SLC25A21: variants seen among roughly 807,000 people sequenced by gnomAD.
The protein encoded by SLC25A21 is solute carrier family 25 member 21.
Under a neutral mutation model 43.8 loss-of-function variants are expected in SLC25A21, and 47 were observed. The ratio of observed to expected loss-of-function variants is 1.07; its 90% CI spans 0.85 to 1.37. The LOEUF (loss-of-function observed/expected upper bound fraction) is 1.37, where lower values mean the gene tolerates loss of function less well. Ranked by LOEUF, SLC25A21 falls within the 40% of genes most tolerant of loss-of-function variation. SLC25A21 has a pLI of 0.00. For synonymous variants in SLC25A21, 131 were observed against 121.3 expected (o/e 1.08, Z -0.52); for missense variants, 352 against 350.2 (o/e 1.00, Z -0.04).
intron 1 of SLC25A21, among the ~76,000 whole-genome samples, chr14:36,904,218 CG>C (rs1251136696): frequency 6.6e-6 from 1 of 152,054 alleles, no homozygotes; most frequent in East Asian, 1.9e-4. Context: ...ATTGACCACG[CG>C]TAAGTCAATA....
At chr14:36,864,572 T>G (rs1196101728) in intron 2 of SLC25A21, among the ~76,000 whole-genome samples, 1 of 152,212 alleles carries the variant, frequency 6.6e-6, no homozygotes, top group Non-Finnish European at 1.5e-5. Context: ...GAAACCCTAT[T>G]ATGGTCATGC....
At chr14:36,733,100 G>A (rs10131540) in intron 4 of SLC25A21, among the ~76,000 whole-genome samples, 25,141 of 151,966 alleles carry the variant, frequency 0.17, 2,402 homozygotes, top group Admixed American at 0.32. Context: ...AGTTTAAATT[G>A]TCTCCAACAC....
intron 1 of SLC25A21, among the ~76,000 whole-genome samples, chr14:37,060,533 G>T (rs1961925799): frequency 6.6e-6 from 1 of 151,600 alleles, no homozygotes; most frequent in Non-Finnish European, 1.5e-5. Context: ...TTTTTCATGG[G>T]AAGTAAAAAA....
chr14:37,115,027 A>C (rs2138882459), intron 1 of SLC25A21, among the ~76,000 whole-genome samples: 1 of 152,292 alleles, frequency 6.6e-6, no homozygotes, highest in South Asian at 2.1e-4. Flanking sequence ...TGTACCCAAA[A>C]TAATATCTGG....
intron 2 of SLC25A21, among the ~76,000 whole-genome samples, chr14:36,820,803 A>G (rs967718669): frequency 2.0e-5 from 3 of 151,982 alleles, no homozygotes; most frequent in Non-Finnish European, 4.4e-5. Flanking sequence ...GCCTAACGAA[A>G]CTCCCTGCAG....
chr14:37,024,092 G>A (rs1961042896), intron 1 of SLC25A21, among the ~76,000 whole-genome samples: 1 of 152,032 alleles, frequency 6.6e-6, no homozygotes, highest in Admixed American at 6.6e-5. Context: ...AGATCACTGA[G>A]GGAAAAAAAT....
At chr14:37,144,924 G>GGTTGTT (rs35217998) in intron 1 of SLC25A21, among the ~76,000 whole-genome samples, 124 of 150,456 alleles carry the variant, frequency 8.2e-4, no homozygotes, top group Middle Eastern at 3.4e-3. Context: ...CAGCCTGGGT[G>GGTTGTT]GTTGTTGTTG....
intron 1 of SLC25A21, among the ~76,000 whole-genome samples, chr14:36,959,083 T>C (rs1465504770): frequency 1.3e-5 from 2 of 152,194 alleles, no homozygotes; most frequent in East Asian, 1.9e-4. Context: ...AAATGTCTTA[T>C]GGAGGAGTAC....
At chr14:36,977,975 A>C (rs185039429) in intron 1 of SLC25A21, among the ~76,000 whole-genome samples, 1 of 148,602 alleles carries the variant, frequency 6.7e-6, no homozygotes, top group Non-Finnish European at 1.5e-5. Flanking sequence ...AAAGACAATT[A>C]GTTTGAACTT....
At chr14:36,877,664 A>G (rs960979790) in intron 1 of SLC25A21, among the ~76,000 whole-genome samples, 1 of 152,062 alleles carries the variant, frequency 6.6e-6, no homozygotes, top group African/African-American at 2.4e-5. Context: ...GGAGCAGGTG[A>G]GGGGTAGGGA....
intron 3 of SLC25A21, among the ~76,000 whole-genome samples, chr14:36,801,618 T>C (rs1366010112): frequency 6.6e-6 from 1 of 152,212 alleles, no homozygotes; most frequent in African/African-American, 2.4e-5. Context: ...TTGTTTACTG[T>C]TATTTTCAGC....
intron 1 of SLC25A21, among the ~76,000 whole-genome samples, chr14:36,983,242 C>A (rs79168649): frequency 6.6e-6 from 1 of 152,194 alleles, no homozygotes. Context: ...CCTGGGTTCA[C>A]TCTCAGAGCA....
At chr14:36,734,706 C>G (rs1884963646) in intron 3 of SLC25A21, 133 bp from the exon 4 acceptor site, 1 of 657,938 alleles carries the variant, frequency 1.5e-6, no homozygotes, top group Non-Finnish European at 2.6e-6. Context: ...TCCTTTCATT[C>G]TAAAATAAAG....
intron 1 of SLC25A21, among the ~76,000 whole-genome samples, chr14:37,084,673 G>A (rs969048823): frequency 1.3e-5 from 2 of 152,140 alleles, no homozygotes; most frequent in African/African-American, 4.8e-5. Flanking sequence ...ATAAATACTT[G>A]AATGCATTTC....
At chr14:36,721,762 A>C (rs563950563) in intron 6 of SLC25A21, among the ~76,000 whole-genome samples, 2 of 152,384 alleles carry the variant, frequency 1.3e-5, no homozygotes, top group African/African-American at 4.8e-5. Context: ...TGATCAGTTG[A>C]GAAGGTCTTC....
At chr14:36,960,324 C>T (rs752626871) in intron 1 of SLC25A21, among the ~76,000 whole-genome samples, 2 of 152,026 alleles carry the variant, frequency 1.3e-5, no homozygotes, top group African/African-American at 4.8e-5. Flanking sequence ...ATAACAATGG[C>T]GAATATCTCA....
intron 1 of SLC25A21, among the ~76,000 whole-genome samples, chr14:37,150,326 A>G (rs1483144986): frequency 6.6e-6 from 1 of 152,198 alleles, no homozygotes; most frequent in African/African-American, 2.4e-5. Flanking sequence ...AATGATTTCT[A>G]TTTTATCCAG....
At chr14:37,071,919 C>A (rs536620784) in intron 1 of SLC25A21, among the ~76,000 whole-genome samples, 2 of 152,052 alleles carry the variant, frequency 1.3e-5, no homozygotes, top group African/African-American at 4.8e-5. Context: ...CAGTGGCTCA[C>A]GTCTATAATC....
intron 1 of SLC25A21, among the ~76,000 whole-genome samples, chr14:37,130,009 T>A (rs1235606590): frequency 7.0e-5 from 10 of 142,638 alleles, no homozygotes; most frequent in South Asian, 2.4e-4. Flanking sequence ...CCCAGCACTT[T>A]GGGAGGCTGA....
Sources: gnomAD v4.1 joint callset for allele counts (sites outside exome capture counted in the v4.1 genomes callset) on GRCh38, gnomAD v4.1.1 for gene constraint, MANE v1.5 for transcripts, NCBI Gene and HGNC (gene_info 2026-07-23, HGNC 2026-07-21) for gene names.